Variants in SGK2 observed in about 807,000 individuals in gnomAD.
The protein encoded by SGK2 is serum/glucocorticoid regulated kinase 2, also known as serine/threonine-protein kinase Sgk2.
In SGK2, 36 loss-of-function variants were observed where a neutral mutation model predicts 47.5. The observed-to-expected ratio is 0.76, with a 90% confidence interval of 0.58 to 1.00. The LOEUF (loss-of-function observed/expected upper bound fraction) is 1.00, where lower values mean the gene tolerates loss of function less well. SGK2 is among the 50% of genes least tolerant of loss of function. SGK2 has a pLI of 0.00. For synonymous variants in SGK2, 157 were observed against 181.9 expected, an observed-to-expected ratio of 0.86 and a Z score of 1.10; for missense variants, 404 against 467.4, an observed-to-expected ratio of 0.86 and a Z score of 1.25.
In SGK2 at chr20:43,576,375, A is replaced by G; in HGVS notation, c.845A>G (p.Asp282Gly). ...DQRQRLGSKA[D>G]FLEIKNHVFF... ...AGGCAGCGGCTGGGCTCCAAAGCAGACTTTGTAGGTGACCTACCAGTGGAG... is the reference window on the plus strand; with the variant it reads ...AGGCAGCGGCTGGGCTCCAAAGCAGGCTTTGTAGGTGACCTACCAGTGGAG... The change falls in exon 11 of 13, where the codon GAC becomes GGC. Residue 282 changes from aspartate (D) to glycine (G), a missense_variant. Physicochemically the swap from Asp to Gly is moderately conservative, Grantham distance 94. Transcript: ENST00000373100. The G allele has an allele frequency of 6.2e-7, 1 of 1,613,910 alleles. No homozygotes were observed. The highest frequency in any genetic ancestry group is 8.5e-7 in the Non-Finnish European group (1 of 1,179,894).
In SGK2 at chr20:43,585,292, TG is replaced by T. The variant is rs1981027049; in HGVS notation, c.*277del. The T allele has an allele frequency of 4.4e-6, 1 of 226,874 alleles. No individual in the cohort carries two copies. The highest frequency in any genetic ancestry group is 8.9e-6 in the Non-Finnish European group (1 of 112,842). 14.1% of individuals were successfully genotyped at this position (226,874 alleles called of 1,614,324 possible). ...TTACTGGAGCTCTAGCTGCCTATTT[TG>T]TGTTTAGGGAAGGGAAAATGGAGGA... On this transcript the variant is annotated 3_prime_UTR_variant, in exon 13 of 13. Coordinates refer to ENST00000373100, the MANE Select transcript of SGK2 (RefSeq NM_170693.3).
At chr20:43,571,232 A>G (rs1980110863) in intron 8 of SGK2, among the ~76,000 whole-genome samples, 172 bp downstream of exon 8, 1 of 152,244 alleles carries the variant, frequency 6.6e-6, no homozygotes, top group African/African-American at 2.4e-5. Context: ...ATGTACACAC[A>G]TACATATGTG....
At chr20:43,565,537 G>T (rs1207051769) in intron 1 of SGK2, among the ~76,000 whole-genome samples, 3 of 152,192 alleles carry the variant, frequency 2.0e-5, no homozygotes, top group Non-Finnish European at 4.4e-5. Context: ...AGGCCATGAG[G>T]TTGGTGCCTC....
At chr20:43,566,280 G>T (rs886946519) in intron 1 of SGK2, 193 bp from the exon 2 acceptor site, 8 of 1,501,456 alleles carry the variant, frequency 5.3e-6, no homozygotes, top group Non-Finnish European at 7.3e-6. Context: ...TTGTTAGGAA[G>T]TCTGGGTCCA....
intron 11 of SGK2, 91 bp from the exon 12 acceptor site, chr20:43,579,881 T>TGG: frequency 2.5e-6 from 2 of 809,450 alleles, no homozygotes; most frequent in Non-Finnish European, 2.2e-6. Flanking sequence ...AGCCAGTTGC[T>TGG]TGTGGAGCTC....
intron 7 of SGK2, 144 bp from the exon 8 acceptor site, chr20:43,570,880 C>A: frequency 7.2e-7 from 1 of 1,392,584 alleles, no homozygotes; most frequent in Non-Finnish European, 1.0e-6. Context: ...GGTCCAAGTG[C>A]CCAGCCTTTC....
chr20:43,562,736 T>C (rs1438906959), intron 1 of SGK2, among the ~76,000 whole-genome samples: 12 of 152,084 alleles, frequency 7.9e-5, no homozygotes. Flanking sequence ...TGAGACTCTT[T>C]CTTAAAAAAT....
Position 43,580,009 on chromosome 20 carries a change from A to C in SGK2, c.887A>C (p.Asn296Thr). 6.2e-7 allele frequency: 1 copy of C among 1,613,126 alleles called. No individual in the cohort carries two copies. Among genetic ancestry groups the C allele is most frequent in the Non-Finnish European group, 8.5e-7 (1 of 1,179,472 alleles). ...IKNHVFFSPI[N>T]WDDLYHKRLT... ...AACCATGTATTCTTCAGCCCCATAA[A>C]CTGGGATGACCTGTACCACAAGAGG... is the stretch of plus-strand genomic sequence containing the variant. Residue 296 changes from asparagine to threonine, a missense_variant, in exon 12 of 13, where the codon AAC (asparagine) becomes ACC (threonine). Transcript: ENST00000373100.
chr20:43,566,545 G>C lies in SGK2; in HGVS notation c.36+14G>C. ...CCAAGTCCACAGGTGAGTGGTTCTT[G>C]GTCCCCCACCCATCATCGGGGGCTC... On this transcript the variant is annotated intron_variant, in intron 2 of 12. Transcript: ENST00000373100. 1.3e-6 allele frequency: 2 copies of C among 1,579,220 alleles called. No homozygotes were observed. Among genetic ancestry groups the C allele is most frequent in the Non-Finnish European group, 1.7e-6 (2 of 1,152,248 alleles).
At chr20:43,568,095 G>A (rs1979853554) in intron 5 of SGK2, 96 bp downstream of exon 5, 1 of 954,804 alleles carries the variant, frequency 1.0e-6, no homozygotes, top group Non-Finnish European at 1.7e-6. Context: ...ACAGGTCCAT[G>A]GGCCTGGGTG....
At chr20:43,562,689 A>G (rs1163795755) in intron 1 of SGK2, among the ~76,000 whole-genome samples, 2 of 152,144 alleles carry the variant, frequency 1.3e-5, no homozygotes, top group East Asian at 1.9e-4. Context: ...GCAGTTAGCC[A>G]AGATTGTGCC....
At chr20:43,569,362 C>G in intron 5 of SGK2, 23 bp from the exon 6 acceptor site, 1 of 1,612,958 alleles carries the variant, frequency 6.2e-7, no homozygotes, top group Non-Finnish European at 8.5e-7. Context: ...GTGACATGGA[C>G]CCCTCTCTTT....
At chr20:43,583,200 C>G (rs1412669995) in intron 12 of SGK2, 2 of 1,289,680 alleles carry the variant, frequency 1.6e-6, no homozygotes, top group East Asian at 1.1e-4. Flanking sequence ...TCGGGCCAGG[C>G]ACCAGAAAAG....
At chr20:43,578,879 A>G (rs1230281356) in intron 11 of SGK2, among the ~76,000 whole-genome samples, 2 of 152,202 alleles carry the variant, frequency 1.3e-5, no homozygotes, top group Non-Finnish European at 2.9e-5. Context: ...GACTCTTAAA[A>G]TAAGTTATAC....
intron 6 of SGK2, 122 bp from the exon 7 acceptor site, chr20:43,570,495 T>C: frequency 1.6e-6 from 1 of 623,986 alleles, no homozygotes; most frequent in Non-Finnish European, 2.8e-6. Flanking sequence ...ACTCTTTTGG[T>C]AGGAAGAATG....
chr20:43,569,656 G>A (rs1347287743), intron 6 of SGK2, 140 bp downstream of exon 6: 2 of 957,556 alleles, frequency 2.1e-6, no homozygotes, highest in African/African-American at 1.6e-5. Context: ...AAGAAACTGA[G>A]GTTCAGGGAG....
chr20:43,560,522 A>T (rs923240498), intron 1 of SGK2, among the ~76,000 whole-genome samples: 1 of 151,902 alleles, frequency 6.6e-6, no homozygotes, highest in African/African-American at 2.4e-5. Context: ...AAAAGTTAAA[A>T]TAACCTAACC....
In SGK2 at chr20:43,567,975, A is replaced by G; in HGVS notation, c.204A>G (p.Lys68=). 1 of 1,614,160 alleles carries G rather than the reference A, an allele frequency of 6.2e-7. No individual in the cohort carries two copies. The highest frequency in any genetic ancestry group is 1.1e-5 in the South Asian group (1 of 91,084). ...TCTATGCAGTGAAGGTACTACAGAA[A>G]AAGTCCATCTTAAAGAAGAAAGAGG... The part of the protein sequence containing the change: ...GAFYAVKVLQ[K]KSILKKKEQS... The change falls in exon 5 of 13, where the codon AAA becomes AAG. Residue 68 remains lysine (K), a synonymous_variant. Transcript: ENST00000373100.
chr20:43,570,474 G>A lies in SGK2; in HGVS notation c.361-143G>A, dbSNP rs895714823. The stretch of plus-strand genomic sequence containing the variant: ...ACCCGGGACTGCTGTGTGGGGCAGG[G>A]GCCAGCATGCACTCTTTTGGTAGGA... On this transcript the variant is annotated intron_variant, in intron 6 of 12. Transcript: ENST00000373100. 5.1e-6 allele frequency: 3 copies of A among 583,770 alleles called. No homozygotes were observed. In the African/African-American group the frequency reaches 5.6e-5, roughly 11 times the overall value. The allele number at this position is 583,770 out of a possible 1,614,324, so 36.2% of individuals were successfully genotyped here.
Sources: gnomAD v4.1 joint callset for allele counts (sites outside exome capture counted in the v4.1 genomes callset) on GRCh38, gnomAD v4.1.1 for gene constraint, MANE v1.5 for transcripts, NCBI Gene and HGNC (gene_info 2026-07-23, HGNC 2026-07-21) for gene names.